FMO5: variants seen among roughly 807,000 people sequenced by gnomAD.
The protein encoded by FMO5 is flavin-containing monooxygenase 5.
A neutral mutation model predicts 43.6 loss-of-function variants in FMO5; 51 were observed. The observed-to-expected ratio is 1.17, with a 90% CI of 0.93 to 1.48. The LOEUF is 1.48. Among genes scored for constraint, FMO5 ranks in the 40% most tolerant of loss-of-function variants. The pLI is 0.00. For missense variants in FMO5, 644 were observed against 643.0 expected, an observed-to-expected ratio of 1.00 and a Z score of -0.02; for synonymous variants, 187 against 216.5, an observed-to-expected ratio of 0.86 and a Z score of 1.20.
At chr1:147,222,456 G>C (rs1372795820) in intron 2 of FMO5, among the ~76,000 whole-genome samples, 1 of 152,140 alleles carries the variant, frequency 6.6e-6, no homozygotes, top group Non-Finnish European at 1.5e-5. Flanking sequence ...GAAGAAAGGA[G>C]AAAAATTTAA....
intron 2 of FMO5, among the ~76,000 whole-genome samples, chr1:147,216,200 C>T (rs1184666203): frequency 1.3e-5 from 2 of 152,130 alleles, no homozygotes; most frequent in African/African-American, 2.4e-5. Flanking sequence ...GCGGATTCTG[C>T]CTGGGTCTCA....
At chr1:147,214,931 A>T (rs1444220087) in intron 3 of FMO5, 1 of 152,142 alleles carries the variant, frequency 6.6e-6, no homozygotes, top group African/African-American at 2.4e-5. Context: ...AATGTAAATG[A>T]CTTACTTTAG....
intron 7 of FMO5, among the ~76,000 whole-genome samples, chr1:147,200,924 G>C (rs1449720582): frequency 6.6e-6 from 1 of 152,106 alleles, no homozygotes; most frequent in Non-Finnish European, 1.5e-5. Flanking sequence ...CATCAGCAAG[G>C]ATGGTGTCAA....
At chr1:147,198,850 CAAAAAAAAA>C (rs151035141) in intron 7 of FMO5, among the ~76,000 whole-genome samples, 1 of 51,764 alleles carries the variant, frequency 1.9e-5, no homozygotes, top group Non-Finnish European at 3.6e-5. Flanking sequence ...GACTGCATCT[CAAAAAAAAA>C]AAAAAAAAAA....
intron 2 of FMO5, among the ~76,000 whole-genome samples, chr1:147,217,280 A>G (rs587720319): frequency 4.6e-5 from 7 of 152,260 alleles, no homozygotes; most frequent in East Asian, 1.9e-4. Context: ...ACTTCCTATT[A>G]ACTATCTTAT....
chr1:147,208,522 C>T (rs1553922983), intron 6 of FMO5: 2 of 185,922 alleles, frequency 1.1e-5, no homozygotes, highest in African/African-American at 2.4e-5. Flanking sequence ...TCACTGCAAC[C>T]TCTGCCTCCA....
Position 147,201,146 on chromosome 1 carries a change from A to T in FMO5, c.1183+6T>A. On this transcript the variant is annotated splice_donor_region_variant and intron_variant, in intron 7 of 8. Coordinates refer to ENST00000254090, the MANE Select transcript of FMO5 (RefSeq NM_001461.4). ...AATTAAGTAGTCTATTTGCATGGTCACTTACCTTTAAATACCTGAGTGGCC... is the reference window on the plus strand; with the variant it reads ...AATTAAGTAGTCTATTTGCATGGTCTCTTACCTTTAAATACCTGAGTGGCC... The T allele has an allele frequency of 6.3e-7, 1 of 1,596,734 alleles. No homozygotes were observed. The highest frequency in any genetic ancestry group is 8.6e-7 in the Non-Finnish European group (1 of 1,168,058).
At chr1:147,206,410 T>A (rs1660055289) in intron 6 of FMO5, among the ~76,000 whole-genome samples, 1 of 152,240 alleles carries the variant, frequency 6.6e-6, no homozygotes, top group Non-Finnish European at 1.5e-5. Context: ...ATCCCATTAC[T>A]GGGTATATAC....
chr1:147,206,023 A>C (rs1294458558), intron 6 of FMO5, among the ~76,000 whole-genome samples: 2 of 151,564 alleles, frequency 1.3e-5, no homozygotes, highest in Admixed American at 6.6e-5. Context: ...CTCATCTGAC[A>C]AAGGGCTAAT....
chr1:147,194,862 A>T (rs587765084), intron 7 of FMO5, among the ~76,000 whole-genome samples: 7 of 151,990 alleles, frequency 4.6e-5, no homozygotes, highest in Non-Finnish European at 1.0e-4. Context: ...TTGTAGAGTT[A>T]CTGCCGAGAG....
intron 6 of FMO5, chr1:147,203,589 G>T (rs1659435859): frequency 1.9e-6 from 2 of 1,080,190 alleles, no homozygotes; most frequent in Admixed American, 1.7e-5. Flanking sequence ...AGTGCACGGG[G>T]AATAGCTTCA....
At chr1:147,201,087 A>C in intron 7 of FMO5, 65 bp downstream of exon 7, 2 of 1,151,130 alleles carry the variant, frequency 1.7e-6, no homozygotes, top group Non-Finnish European at 2.5e-6. Flanking sequence ...ATTTAAAAAC[A>C]AGTACCTAAA....
rs1659589496 is a variant in FMO5, at chr1:147,204,402, T to C, written c.831-2898A>G. 6.2e-6 allele frequency: 7 copies of C among 1,122,042 alleles called. No homozygotes were observed. The South Asian group carries it at 7.4e-5, about 12-fold the overall frequency. 69.5% of individuals were successfully genotyped at this position (1,122,042 alleles called of 1,614,324 possible). ...CCTGAACAATAAGCTTGGCCAGAAA[T>C]ACTTCATTACCATATTGTTTACACA... On this transcript the variant is annotated intron_variant, in intron 6 of 8. Coordinates refer to ENST00000254090, the MANE Select transcript of FMO5 (RefSeq NM_001461.4).
intron 7 of FMO5, among the ~76,000 whole-genome samples, chr1:147,190,726 A>C (rs1165885408): frequency 6.6e-6 from 1 of 152,076 alleles, no homozygotes; most frequent in Non-Finnish European, 1.5e-5. Flanking sequence ...GTACATGTGC[A>C]CAATGTGCAG....
At chr1:147,206,885 T>C (rs1553922480) in intron 6 of FMO5, among the ~76,000 whole-genome samples, 1 of 151,930 alleles carries the variant, frequency 6.6e-6, no homozygotes, top group Non-Finnish European at 1.5e-5. Flanking sequence ...TATACATATA[T>C]AACAAACCTG....
chr1:147,217,132 C>T (rs970767032), intron 2 of FMO5, among the ~76,000 whole-genome samples: 4 of 151,750 alleles, frequency 2.6e-5, no homozygotes, highest in Non-Finnish European at 5.9e-5. Flanking sequence ...CCCAGCTAGT[C>T]GGGGGGCTGA....
At position 147,195,771 on chromosome 1, in the gene FMO5, G is replaced by C. The variant is rs587600977; in HGVS notation, c.1183+5381C>G. Among the ~76,000 whole-genome samples the C allele has an allele frequency of 5.3e-5, 8 of 152,206 alleles. No homozygotes were observed. The South Asian group carries it at 1.7e-3, about 32-fold the overall frequency. The stretch of plus-strand genomic sequence containing the variant: ...GTCACTCCATAAAATTGTGGAATAT[G>C]GAATTTCAGAATGGCAATATATTTT... On this transcript the variant is annotated intron_variant, in intron 7 of 8. Coordinates refer to ENST00000254090, the MANE Select transcript of FMO5 (RefSeq NM_001461.4).
chr1:147,209,742 A>G (rs1346031638), intron 5 of FMO5: 1 of 152,166 alleles, frequency 6.6e-6, no homozygotes, highest in African/African-American at 2.4e-5. Flanking sequence ...CAGGCTGACA[A>G]TTTTCTCTCC....
intron 6 of FMO5, among the ~76,000 whole-genome samples, chr1:147,206,285 G>A (rs1660032022): frequency 6.6e-6 from 1 of 151,544 alleles, no homozygotes; most frequent in Non-Finnish European, 1.5e-5. Context: ...TGGAGAGGAT[G>A]TGGAGAAATA....
Sources: allele counts gnomAD v4.1 joint callset (sites outside exome capture counted in the v4.1 genomes callset), GRCh38; gene constraint gnomAD v4.1.1; transcripts MANE v1.5; gene names NCBI Gene and HGNC (gene_info 2026-07-23, HGNC 2026-07-21).